XYLT1: variants seen among roughly 807,000 people sequenced by gnomAD.
The protein encoded by XYLT1 is beta-D-xylosyltransferase 1.
XYLT1 carries 36 observed loss-of-function variants against 91.3 expected under a neutral mutation model. The ratio of observed to expected loss-of-function variants is 0.39; its 90% CI spans 0.30 to 0.52. XYLT1 has a LOEUF of 0.52. XYLT1 is among the 20% of genes least tolerant of loss of function. The pLI is 0.68. For missense variants in XYLT1, 1,242 were observed against 1,284.5 expected (o/e 0.97, Z 0.51); for synonymous variants, 588 against 532.0 (o/e 1.11, Z -1.45).
intron 1 of XYLT1, among the ~76,000 whole-genome samples, chr16:17,452,753 T>C (rs767378507): frequency 6.6e-6 from 1 of 152,226 alleles, no homozygotes; most frequent in African/African-American, 2.4e-5. Flanking sequence ...TTTTCTACTT[T>C]TGAAATCTAT....
intron 2 of XYLT1, among the ~76,000 whole-genome samples, chr16:17,322,802 G>T (rs923873068): frequency 6.6e-6 from 1 of 152,194 alleles, no homozygotes; most frequent in African/African-American, 2.4e-5. Flanking sequence ...ACTTGTGCAA[G>T]TGTTTGGTGA....
chr16:17,188,039 A>C (rs1489831407), intron 5 of XYLT1, among the ~76,000 whole-genome samples: 1 of 151,960 alleles, frequency 6.6e-6, no homozygotes, highest in Non-Finnish European at 1.5e-5. Flanking sequence ...CTGGTCCCCA[A>C]ACAGAAGGTG....
intron 1 of XYLT1, among the ~76,000 whole-genome samples, chr16:17,442,580 G>T (rs1404073919): frequency 6.6e-6 from 1 of 152,156 alleles, no homozygotes; most frequent in East Asian, 1.9e-4. Flanking sequence ...GCCACAGGCT[G>T]CCTGGAGCAT....
At chr16:17,313,990 TA>T (rs2034589172) in intron 2 of XYLT1, among the ~76,000 whole-genome samples, 1 of 152,188 alleles carries the variant, frequency 6.6e-6, no homozygotes. Context: ...TCATCAGTGA[TA>T]AATCAATCCA....
At chr16:17,342,638 C>T (rs2035078177) in intron 2 of XYLT1, among the ~76,000 whole-genome samples, 1 of 152,150 alleles carries the variant, frequency 6.6e-6, no homozygotes, top group Non-Finnish European at 1.5e-5. Flanking sequence ...AGGAGAATCG[C>T]TGGAACCCGG....
intron 5 of XYLT1, among the ~76,000 whole-genome samples, chr16:17,163,366 C>T (rs1567303005): frequency 6.6e-6 from 1 of 152,104 alleles, no homozygotes; most frequent in African/African-American, 2.4e-5. Flanking sequence ...CCCAGGAGCC[C>T]AGGCTGTATG....
chr16:17,147,144 T>C (rs572111866), intron 6 of XYLT1, among the ~76,000 whole-genome samples: 5 of 152,310 alleles, frequency 3.3e-5, no homozygotes, highest in Admixed American at 2.6e-4. Flanking sequence ...AGATTTTTTG[T>C]AATACAGTAT....
intron 1 of XYLT1, among the ~76,000 whole-genome samples, chr16:17,456,628 A>G (rs1392022815): frequency 6.6e-6 from 1 of 152,332 alleles, no homozygotes; most frequent in African/African-American, 2.4e-5. Context: ...GGCATGTGCC[A>G]CCACGCCCGG....
chr16:17,468,865 C>T (rs1295346315), intron 1 of XYLT1, among the ~76,000 whole-genome samples: 1 of 152,184 alleles, frequency 6.6e-6, no homozygotes, highest in Non-Finnish European at 1.5e-5. Flanking sequence ...CCCACCCCAC[C>T]TCCTGGGCTC....
intron 11 of XYLT1, among the ~76,000 whole-genome samples, chr16:17,112,287 A>G (rs1225184655): frequency 6.6e-6 from 1 of 152,146 alleles, no homozygotes; most frequent in Non-Finnish European, 1.5e-5. Flanking sequence ...GAATCATTTT[A>G]CAAATTGCAT....
rs577783618 is a variant in XYLT1, at chr16:17,331,345, A to G, written c.402+26667T>C. On this transcript the variant is annotated intron_variant, in intron 2 of 11. Transcript: ENST00000261381. ...AGGGTGGAGGCCATGTCCTCTCGGC[A>G]TGACATCAACTAACAGCCTGGCTCC... Among the ~76,000 whole-genome samples, 16 of 152,334 alleles carry G rather than the reference A, an allele frequency of 1.1e-4. 1 individual carries two copies. In the South Asian group the frequency reaches 3.3e-3, roughly 32 times the overall value.
chr16:17,450,783 C>T (rs2036656483), intron 1 of XYLT1, among the ~76,000 whole-genome samples: 1 of 152,194 alleles, frequency 6.6e-6, no homozygotes, highest in African/African-American at 2.4e-5. Flanking sequence ...CAGACAGACA[C>T]TGCTGCCAGG....
chr16:17,362,709 C>T (rs891378303), intron 1 of XYLT1, among the ~76,000 whole-genome samples: 6 of 152,224 alleles, frequency 3.9e-5, no homozygotes, highest in African/African-American at 7.2e-5. Flanking sequence ...GCTCTCCTGG[C>T]GGATTCTGAG....
At chr16:17,243,795 G>T (rs2033387799) in intron 3 of XYLT1, among the ~76,000 whole-genome samples, 1 of 152,168 alleles carries the variant, frequency 6.6e-6, no homozygotes, top group Admixed American at 6.5e-5. Context: ...CAAGGGCTGA[G>T]AAAGTCAGAG....
intron 3 of XYLT1, among the ~76,000 whole-genome samples, chr16:17,224,105 G>A (rs1415431164): frequency 1.3e-5 from 2 of 152,164 alleles, no homozygotes; most frequent in Non-Finnish European, 2.9e-5. Context: ...TCCCAAAGTG[G>A]AAAATGGAAA....
At chr16:17,148,789 G>A (rs1460423515) in intron 6 of XYLT1, among the ~76,000 whole-genome samples, 6 of 152,148 alleles carry the variant, frequency 3.9e-5, no homozygotes, top group African/African-American at 1.4e-4. Flanking sequence ...AGAAAGAACG[G>A]ATCTGTGATC....
rs771658207 is a variant in XYLT1, at chr16:17,141,289, G to A, written c.1451C>T (p.Pro484Leu). ...ACCGCCATCCACGGCAATGCCCTCT[G>A]GGATCCGCCGATCTCCCAGGCGCCA... Reference protein sequence around the residue: ...HMWRLGDRRIPEGIAVDGGSD... With the variant: ...HMWRLGDRRILEGIAVDGGSD... The change falls in exon 7 of 12, where the codon CCA becomes CTA. Residue 484 changes from proline (P) to leucine (L), a missense_variant. This residue lies in a region of XYLT1 where 294 missense variants were observed against 376.0 expected (regional missense o/e 0.78). Transcript: ENST00000261381. The A allele has an allele frequency of 1.9e-6, 3 of 1,614,146 alleles. No individual in the cohort carries two copies. The highest frequency in any genetic ancestry group is 2.2e-5 in the South Asian group (2 of 91,078).
chr16:17,327,484 T>C (rs937947319), intron 2 of XYLT1, among the ~76,000 whole-genome samples: 30 of 148,762 alleles, frequency 2.0e-4, no homozygotes, highest in African/African-American at 7.4e-4. Context: ...TGCCTCAGCC[T>C]CTGGAGTAGC....
At chr16:17,181,443 TATTA>T (rs1197221369) in intron 5 of XYLT1, among the ~76,000 whole-genome samples, 2 of 152,220 alleles carry the variant, frequency 1.3e-5, no homozygotes, top group East Asian at 1.9e-4. Flanking sequence ...TATACAGGAT[TATTA>T]ATTATCATTG....
Sources: gnomAD v4.1 joint callset for allele counts (sites outside exome capture counted in the v4.1 genomes callset) on GRCh38, gnomAD v4.1.1 for gene constraint, gnomAD v4.1.1 regional missense constraint, MANE v1.5 for transcripts, NCBI Gene and HGNC (gene_info 2026-07-23, HGNC 2026-07-21) for gene names.